EBF3: variants seen among roughly 807,000 people sequenced by gnomAD.
EBF3 encodes EBF transcription factor 3, also known as transcription factor COE3.
In EBF3, 18 loss-of-function variants were observed where a neutral mutation model predicts 77.1. The observed-to-expected ratio is 0.23, with a 90% CI of 0.16 to 0.35. The LOEUF is 0.35. EBF3 is among the 10% of genes least tolerant of loss of function. The pLI, the probability that EBF3 is intolerant of heterozygous loss-of-function variation, is 1.00. For missense variants in EBF3, 558 were observed against 860.0 expected (o/e 0.65, Z 4.39); for synonymous variants, 350 against 343.5 (o/e 1.02, Z -0.21).
rs1485672746 is a variant in EBF3, at chr10:129,963,667, C to T, written c.102G>A (p.Ala34=). The part of the protein sequence containing the change: ...MNPVRSWMHT[A]GVVDANTAAQ... ...CGGCCGTGTTGGCGTCCACCACGCCCGCCGTGTGCATCCACGAGCGCACCG... is the reference window on the plus strand; with the variant it reads ...CGGCCGTGTTGGCGTCCACCACGCCTGCCGTGTGCATCCACGAGCGCACCG... Residue 34 remains alanine (A), a synonymous_variant, in exon 1 of 17, where the codon GCG becomes GCA. Coordinates refer to ENST00000440978, the MANE Select transcript of EBF3 (RefSeq NM_001375380.1). This position sits in a 1 kb window ranked among gnomAD's most constrained non-coding sequence, Gnocchi z 7.1. The T allele has an allele frequency of 6.6e-7, 1 of 1,507,688 alleles. No individual in the cohort carries two copies. Among genetic ancestry groups the T allele is most frequent in the Non-Finnish European group, 8.9e-7 (1 of 1,120,360 alleles). 93.4% of individuals were successfully genotyped at this position (1,507,688 alleles called of 1,614,324 possible).
rs1859664340 is a variant in EBF3, at chr10:129,963,217, G to T, written c.291+150C>A. 3.3e-6 allele frequency: 4 copies of T among 1,228,762 alleles called. No homozygotes were observed. The South Asian group carries it at 7.2e-5, about 22-fold the overall frequency. 76.1% of individuals were successfully genotyped at this position (1,228,762 alleles called of 1,614,324 possible). ...GCGCAGAGAAGTTGCCCAGCCCTCG[G>T]CGGTCCCGGGCGGCCGCACGTGGCG... On this transcript the variant is annotated intron_variant, in intron 2 of 16. Transcript: ENST00000440978. This position sits in a 1 kb window ranked among gnomAD's most constrained non-coding sequence, Gnocchi z 7.1.
At chr10:129,844,658 G>C (rs775290615) in intron 11 of EBF3, among the ~76,000 whole-genome samples, 3 of 152,006 alleles carry the variant, frequency 2.0e-5, no homozygotes, top group African/African-American at 4.8e-5. Context: ...ACGTTCCCAG[G>C]AACAGCACTT....
intron 6 of EBF3, among the ~76,000 whole-genome samples, chr10:129,955,033 A>C (rs1858937815): frequency 6.6e-6 from 1 of 152,188 alleles, no homozygotes; most frequent in African/African-American, 2.4e-5. Context: ...TGATTAATCT[A>C]ACTTGCCCTA....
chr10:129,958,694 A>G (rs1162010008), intron 5 of EBF3, among the ~76,000 whole-genome samples: 1 of 152,170 alleles, frequency 6.6e-6, no homozygotes, highest in Non-Finnish European at 1.5e-5. Flanking sequence ...ACTACACTGC[A>G]ACGACACGGC....
At chr10:129,957,483 C>T (rs998366731) in intron 5 of EBF3, among the ~76,000 whole-genome samples, 157 bp from the exon 6 acceptor site, 2 of 151,650 alleles carry the variant, frequency 1.3e-5, no homozygotes, top group East Asian at 1.9e-4. Flanking sequence ...ACGTGTTCTG[C>T]GGCTAAACTT....
Position 129,963,949 on chromosome 10 carries a change from C to T in EBF3, c.-181G>A, listed in dbSNP as rs1859739579. The T allele has an allele frequency of 9.6e-7, 1 of 1,043,334 alleles. No individual in the cohort carries two copies. The highest frequency in any genetic ancestry group is 5.6e-5 in the Admixed American group (1 of 17,808). The allele number at this position is 1,043,334 out of a possible 1,614,324, so 64.6% of individuals were successfully genotyped here. A position where few individuals can be genotyped will look rare whatever the true frequency, so the allele number is the denominator to read the frequency against. ...CGCGACATACACCAGCGGCCGGGCG[C>T]TCCGGACGGCCAGGGGCGCGGAGGC... On this transcript the variant is annotated 5_prime_UTR_variant, in exon 1 of 17. Transcript: ENST00000440978. The surrounding 1 kb of genome is among the most constrained non-coding windows in gnomAD (Gnocchi z 7.1).
intron 6 of EBF3, among the ~76,000 whole-genome samples, chr10:129,917,661 A>AAAAAAAAAAAAAAAAAAAAAAAAAAAAC (rs1855979667): frequency 6.7e-6 from 1 of 148,488 alleles, no homozygotes; most frequent in Non-Finnish European, 1.5e-5. Context: ...CAAAAAAAAA[A>AAAAAAAAAAAAAAAAAAAAAAAAAAAAC]AAAAAAAAAA....
At chr10:129,873,631 G>A in intron 7 of EBF3, 35 bp from the exon 8 acceptor site, 1 of 1,469,054 alleles carries the variant, frequency 6.8e-7, no homozygotes, top group Non-Finnish European at 9.1e-7. Context: ...AATGGAATTG[G>A]CAAAGAAAAG....
chr10:129,852,488 C>A (rs988907595), intron 10 of EBF3, among the ~76,000 whole-genome samples: 1 of 152,154 alleles, frequency 6.6e-6, no homozygotes, highest in African/African-American at 2.4e-5. Context: ...GGGCAGGAGG[C>A]ACTGGGATTT....
chr10:129,856,427 A>G (rs1463032237), intron 10 of EBF3, among the ~76,000 whole-genome samples: 1 of 152,220 alleles, frequency 6.6e-6, no homozygotes, highest in African/African-American at 2.4e-5. Flanking sequence ...GATACCTGTT[A>G]CAACAGGGAT....
chr10:129,839,255 T>A, intron 15 of EBF3, 60 bp from the exon 16 acceptor site: 1 of 817,452 alleles, frequency 1.2e-6, no homozygotes, highest in Non-Finnish European at 1.8e-6. Flanking sequence ...TCTAAAGGAG[T>A]AACTGGATTT....
chr10:129,861,621 C>T lies in EBF3; in HGVS notation c.1039+5520G>A, dbSNP rs1023808606. 3.3e-5 allele frequency among the ~76,000 whole-genome samples: 5 copies of T among 152,088 alleles called. No individual in the cohort carries two copies. The highest frequency in any genetic ancestry group is 1.2e-4 in the African/African-American group (5 of 41,416). On this transcript the variant is annotated intron_variant, in intron 10 of 16. Transcript: ENST00000440978. The surrounding 1 kb of genome is among the most constrained non-coding windows in gnomAD (Gnocchi z 4.3). ...ATTGACTGGTAGGTTTGAAGCAGGA[C>T]AGCCAGTGTGGCTGCAGGAGGGCCC...
chr10:129,892,648 T>C (rs1854100695), intron 6 of EBF3, among the ~76,000 whole-genome samples: 1 of 152,198 alleles, frequency 6.6e-6, no homozygotes, highest in Non-Finnish European at 1.5e-5. Context: ...GCTACATAAA[T>C]AGAGTATGAT....
chr10:129,959,802 C>A (rs1355056975), intron 4 of EBF3, among the ~76,000 whole-genome samples: 1 of 151,886 alleles, frequency 6.6e-6, no homozygotes, highest in Non-Finnish European at 1.5e-5. Flanking sequence ...CGCAGGAGTG[C>A]CGGGGCCCCA....
At position 129,842,747 on chromosome 10, in the gene EBF3, G is replaced by A. The variant is rs1248881232; in HGVS notation, c.1194+390C>T. 1.4e-5 allele frequency among the ~76,000 whole-genome samples: 2 copies of A among 139,200 alleles called. No homozygotes were observed. The highest frequency in any genetic ancestry group is 1.5e-5 in the Non-Finnish European group (1 of 65,944). 91.3% of individuals were successfully genotyped at this position (139,200 alleles called of 152,430 possible). A position where few individuals can be genotyped will look rare whatever the true frequency, so the allele number is the denominator to read the frequency against. ...CTACTGCACTCCAGCCTGGGTGACA[G>A]AGCAAGACCCTGTCTAAAAAAAAAA... On this transcript the variant is annotated intron_variant, in intron 12 of 16. Transcript: ENST00000440978. This position sits in a 1 kb window ranked among gnomAD's most constrained non-coding sequence, Gnocchi z 4.4.
chr10:129,948,553 G>A (rs1401931436), intron 6 of EBF3, among the ~76,000 whole-genome samples: 3 of 142,274 alleles, frequency 2.1e-5, no homozygotes, highest in Admixed American at 7.5e-5. Flanking sequence ...GTTCATATTC[G>A]TGTATCAGCA....
chr10:129,877,563 A>AGAT (rs1343045844), intron 7 of EBF3, among the ~76,000 whole-genome samples: 4 of 151,452 alleles, frequency 2.6e-5, no homozygotes, highest in Admixed American at 1.3e-4. Flanking sequence ...TGCCCACATT[A>AGAT]GACTTGATGA....
At chr10:129,953,049 A>G (rs951657378) in intron 6 of EBF3, among the ~76,000 whole-genome samples, 1 of 151,614 alleles carries the variant, frequency 6.6e-6, no homozygotes, top group Admixed American at 6.6e-5. Context: ...AAAAAAAAGA[A>G]GAAGAAGAAG....
In EBF3 at chr10:129,888,821, A is replaced by G. The variant is rs1382223791; in HGVS notation, c.555-10972T>C. On this transcript the variant is annotated intron_variant, in intron 6 of 16. Coordinates refer to ENST00000440978, the MANE Select transcript of EBF3 (RefSeq NM_001375380.1). Reference sequence around the variant, plus strand: ...TTATAAACCAGCTAATTATAAATTAAGTATGCAAGAGAAAATTGCTAACCT... The same window carrying G: ...TTATAAACCAGCTAATTATAAATTAGGTATGCAAGAGAAAATTGCTAACCT... Among the ~76,000 whole-genome samples, 8 of 152,268 alleles carry G rather than the reference A, an allele frequency of 5.3e-5. No homozygotes were observed. In the East Asian group the frequency reaches 1.5e-3, roughly 29 times the overall value.
Sources: gnomAD v4.1 joint callset for allele counts (sites outside exome capture counted in the v4.1 genomes callset) on GRCh38, gnomAD v4.1.1 for gene constraint, Gnocchi (gnomAD v3.1) non-coding constraint, MANE v1.5 for transcripts, NCBI Gene and HGNC (gene_info 2026-07-23, HGNC 2026-07-21) for gene names.